The following PCDH11Y variants were observed in gnomAD, a reference collection of about 807,000 sequenced individuals.
The protein encoded by PCDH11Y is protocadherin-11 Y-linked.
For missense variants in PCDH11Y, 12 were observed against 224.8 expected (o/e 0.05, Z 6.05); for synonymous variants, 9 against 83.6 (o/e 0.11, Z 4.87).
At chrY:5,022,691 G>A (rs2124620016) in intron 1 of PCDH11Y, among the ~76,000 whole-genome samples, 1 of 31,683 alleles carries the variant, frequency 3.2e-5, no homozygotes, top group Admixed American at 3.0e-4. Context: ...AAGAAGGGCA[G>A]TTACTTATTC....
chrY:5,455,601 A>T (rs2053297453), intron 2 of PCDH11Y, among the ~76,000 whole-genome samples: 6 of 33,427 alleles, frequency 1.8e-4, no homozygotes, highest in Non-Finnish European at 2.9e-4. Flanking sequence ...TAATCGGCTC[A>T]CACTTCTGCA....
chrY:5,018,249 A>G, intron 1 of PCDH11Y, among the ~76,000 whole-genome samples: 3 of 31,662 alleles, frequency 9.5e-5, no homozygotes, highest in African/African-American at 3.7e-4. Context: ...TGTCTAATTT[A>G]AAACTAGATT....
intron 3 of PCDH11Y, among the ~76,000 whole-genome samples, chrY:5,540,684 T>G: frequency 2.8e-5 from 1 of 35,902 alleles, no homozygotes; most frequent in Non-Finnish European, 7.2e-5. Context: ...TAGCTGTACA[T>G]GGTACACCTG....
intron 2 of PCDH11Y, among the ~76,000 whole-genome samples, chrY:5,325,658 TGGG>T (rs2053118707): frequency 3.0e-5 from 1 of 33,524 alleles, no homozygotes; most frequent in East Asian, 8.0e-4. Flanking sequence ...AGTAGCGGTT[TGGG>T]GATAGCACGA....
chrY:5,704,572 A>AG (rs2053581297), intron 4 of PCDH11Y, among the ~76,000 whole-genome samples: 1 of 29,365 alleles, frequency 3.4e-5, no homozygotes, highest in Non-Finnish European at 8.0e-5. Context: ...CTGGGACTAC[A>AG]GCGCCCACCA....
chrY:5,385,709 G>T (rs2124675168), intron 2 of PCDH11Y, among the ~76,000 whole-genome samples: 16 of 33,560 alleles, frequency 4.8e-4, no homozygotes, highest in African/African-American at 1.9e-3. Flanking sequence ...CATTCTTGTG[G>T]GAGTAAGGTC....
intron 2 of PCDH11Y, among the ~76,000 whole-genome samples, chrY:5,208,250 A>G: frequency 3.0e-5 from 1 of 33,006 alleles, no homozygotes; most frequent in African/African-American, 1.2e-4. Context: ...CCCCCTATTC[A>G]GTCATCTCCC....
chrY:5,366,401 A>G, intron 2 of PCDH11Y, among the ~76,000 whole-genome samples: 2 of 33,512 alleles, frequency 6.0e-5, no homozygotes, highest in Admixed American at 2.8e-4. Context: ...ATAACTCTAT[A>G]CTTAAGAACA....
intron 4 of PCDH11Y, among the ~76,000 whole-genome samples, chrY:5,624,524 T>G: frequency 3.2e-5 from 1 of 30,774 alleles, no homozygotes; most frequent in Admixed American, 3.1e-4. Flanking sequence ...GGTTTTACAT[T>G]TAAGCATTTA....
chrY:5,176,375 T>A, intron 2 of PCDH11Y, among the ~76,000 whole-genome samples: 1 of 25,614 alleles, frequency 3.9e-5, no homozygotes, highest in Non-Finnish European at 8.9e-5. Context: ...AGCTCTTTAG[T>A]TTAATTAGAT....
intron 2 of PCDH11Y, among the ~76,000 whole-genome samples, chrY:5,387,610 T>G: frequency 3.6e-5 from 1 of 27,687 alleles, no homozygotes; most frequent in Non-Finnish European, 8.5e-5. Flanking sequence ...TCCTTAGTTT[T>G]GATTGTTTAA....
chrY:5,319,025 T>G, intron 2 of PCDH11Y, among the ~76,000 whole-genome samples: 1 of 32,858 alleles, frequency 3.0e-5, no homozygotes, highest in Admixed American at 2.8e-4. Context: ...TTATTCAGAT[T>G]TAACTGTTTA....
chrY:5,616,626 AT>A (rs2053494063), intron 4 of PCDH11Y, among the ~76,000 whole-genome samples: 20 of 31,359 alleles, frequency 6.4e-4, no homozygotes, highest in Non-Finnish European at 3.9e-4. Flanking sequence ...CTTTGTAAGA[AT>A]TTTTTTTTTA....
chrY:5,453,530 C>T, intron 2 of PCDH11Y, among the ~76,000 whole-genome samples: 2 of 33,553 alleles, frequency 6.0e-5, no homozygotes, highest in African/African-American at 1.2e-4. Context: ...AGCCCATTCT[C>T]GCATTGCTAT....
In PCDH11Y at chrY:5,424,874, A is replaced by T. The variant is rs1602923333; in HGVS notation, c.3130-76183A>T. 2.2e-4 allele frequency among the ~76,000 whole-genome samples: 7 copies of T among 31,369 alleles called. No homozygotes were observed. In the East Asian group the frequency reaches 6.0e-3, roughly 27 times the overall value. 84.2% of individuals were successfully genotyped at this position (31,369 alleles called of 37,273 possible). A position where few individuals can be genotyped will look rare whatever the true frequency, so the allele number is the denominator to read the frequency against. ...ATATTTTTAGTAGAGATGGGGTTTC[A>T]CCATGTTAGCCAGTCTGGTCTCGAA... is the stretch of plus-strand genomic sequence containing the variant. On this transcript the variant is annotated intron_variant, in intron 2 of 4. Transcript: ENST00000400457.
intron 2 of PCDH11Y, among the ~76,000 whole-genome samples, chrY:5,212,961 G>A (rs2124651273): frequency 3.6e-5 from 1 of 27,852 alleles, no homozygotes; most frequent in South Asian, 8.7e-4. Context: ...AACTTAATGT[G>A]TCTTCCTCTT....
upstream of PCDH11Y, among the ~76,000 whole-genome samples, chrY:5,052,516 T>C (rs2052654322): frequency 3.0e-5 from 1 of 33,485 alleles, no homozygotes; most frequent in Non-Finnish European, 7.4e-5. Flanking sequence ...TCAGAGATGA[T>C]AAAATGAACT....
At chrY:5,046,774 C>T (rs2052642315) in intron 3 of PCDH11Y, among the ~76,000 whole-genome samples, 2 of 33,130 alleles carry the variant, frequency 6.0e-5, no homozygotes, top group African/African-American at 1.2e-4. Flanking sequence ...ACTCCGTGGG[C>T]GTAGGACCCT....
At chrY:5,407,831 A>C (rs1047898531) in intron 2 of PCDH11Y, among the ~76,000 whole-genome samples, 82 of 25,888 alleles carry the variant, frequency 3.2e-3, no homozygotes, top group East Asian at 0.031. Context: ...AGGAGAATGG[A>C]GTGAACCAGC....
Sources: gnomAD v4.1 joint callset for allele counts (sites outside exome capture counted in the v4.1 genomes callset) on GRCh38, gnomAD v4.1.1 for gene constraint, MANE v1.5 for transcripts, NCBI Gene and HGNC (gene_info 2026-07-23, HGNC 2026-07-21) for gene names.